The following LIMA1 variants were observed in gnomAD, a reference collection of about 807,000 sequenced individuals.
LIMA1 encodes the protein LIM domain and actin binding 1.
LIMA1 carries 52 observed loss-of-function variants against 62.6 expected under a neutral mutation model. The ratio of observed to expected loss-of-function variants is 0.83; its 90% CI spans 0.67 to 1.05. The LOEUF (loss-of-function observed/expected upper bound fraction) is 1.05, where lower values mean the gene tolerates loss of function less well. Among genes scored for constraint, LIMA1 ranks in the 50% least tolerant of loss-of-function variants. The pLI is 0.00. For missense variants in LIMA1, 780 were observed against 902.2 expected (o/e 0.86, Z 1.74); for synonymous variants, 302 against 317.8 (o/e 0.95, Z 0.53).
intron 6 of LIMA1, among the ~76,000 whole-genome samples, chr12:50,203,989 G>A (rs1941104638): frequency 6.6e-6 from 1 of 152,134 alleles, no homozygotes. Context: ...GAAAGGTTCT[G>A]GAATTAAACA....
intron 2 of LIMA1, among the ~76,000 whole-genome samples, chr12:50,234,591 T>C (rs1941661532): frequency 6.6e-6 from 1 of 152,156 alleles, no homozygotes; most frequent in Non-Finnish European, 1.5e-5. Flanking sequence ...ATCACCATTA[T>C]GTGCCTCTCC....
intron 8 of LIMA1, among the ~76,000 whole-genome samples, chr12:50,193,008 G>A (rs1303271123): frequency 2.0e-5 from 3 of 151,820 alleles, no homozygotes; most frequent in East Asian, 1.9e-4. Context: ...GTGTGTGCGC[G>A]CGTGCGCGCA....
At chr12:50,223,809 G>A (rs559197977) in intron 3 of LIMA1, among the ~76,000 whole-genome samples, 3 of 152,226 alleles carry the variant, frequency 2.0e-5, no homozygotes, top group East Asian at 1.9e-4. Flanking sequence ...AGGCCGAGGC[G>A]GGTGGATCAC....
chr12:50,222,085 T>C lies in LIMA1; in HGVS notation c.566A>G (p.Lys189Arg), dbSNP rs754888813. The change falls in exon 4 of 11, where the codon AAA becomes AGA. Residue 189 changes from lysine to arginine, a missense_variant. By Grantham distance (26) the Lys-to-Arg change is conservative. Coordinates refer to ENST00000341247, the MANE Select transcript of LIMA1 (RefSeq NM_016357.5). The part of the protein sequence containing the change: ...ENTDASGKIE[K>R]YNVPLNRLKM... ...AAGCCTGTTCAGCGGAACATTATAT[T>C]TCTCTATTTTGCCCGAAGCATCTGT... 3 of 1,614,180 alleles carry C rather than the reference T, an allele frequency of 1.9e-6. No homozygotes were observed. The highest frequency in any genetic ancestry group is 2.5e-6 in the Non-Finnish European group (3 of 1,180,028).
chr12:50,208,989 TTTC>T (rs1174879219), intron 4 of LIMA1, among the ~76,000 whole-genome samples: 5 of 132,282 alleles, frequency 3.8e-5, no homozygotes, highest in Non-Finnish European at 6.5e-5. Context: ...TTTTTCTTTC[TTTC>T]TTTTTTTTTT....
chr12:50,247,288 T>C (rs994761612), intron 2 of LIMA1, among the ~76,000 whole-genome samples: 1 of 152,172 alleles, frequency 6.6e-6, no homozygotes, highest in Admixed American at 6.5e-5. Flanking sequence ...AAAGTGATAC[T>C]GTATGACTTC....
rs201741585 is a variant in LIMA1, at chr12:50,236,164, C to CA, written c.120-4455dup. On this transcript the variant is annotated intron_variant, in intron 2 of 10. Coordinates refer to ENST00000341247, the MANE Select transcript of LIMA1 (RefSeq NM_016357.5). ...TGGGTGACAGAGCCAGACTCCATCTCAAAAAAAACAAAAACATACAGTTCA... is the reference window on the plus strand; with the variant it reads ...TGGGTGACAGAGCCAGACTCCATCTCAAAAAAAAACAAAAACATACAGTTCA... Among the ~76,000 whole-genome samples the CA allele has an allele frequency of 2.3e-4, 34 of 149,770 alleles. No homozygotes were observed. In the East Asian group the frequency reaches 4.5e-3, roughly 20 times the overall value.
intron 8 of LIMA1, among the ~76,000 whole-genome samples, chr12:50,193,534 GATATATATATACATATATATCATATATGT>G: frequency 1.0e-5 from 1 of 95,394 alleles, no homozygotes; most frequent in African/African-American, 4.4e-5. Context: ...ACACATATAT[GATATATATATACATATATATCATATATGT>G]ATATATGATA....
At chr12:50,247,815 G>C (rs1164955328) in intron 2 of LIMA1, among the ~76,000 whole-genome samples, 1 of 151,978 alleles carries the variant, frequency 6.6e-6, no homozygotes, top group African/African-American at 2.4e-5. Context: ...TTTTAGTAGA[G>C]ACAGGGTTTC....
At chr12:50,282,908 CG>C (rs1942357258) in intron 1 of LIMA1, among the ~76,000 whole-genome samples, 1 of 152,122 alleles carries the variant, frequency 6.6e-6, no homozygotes, top group Non-Finnish European at 1.5e-5. Context: ...GATAGCGATT[CG>C]GGGATGACAC....
chr12:50,232,654 C>A (rs1334818722), intron 2 of LIMA1, among the ~76,000 whole-genome samples: 2 of 152,186 alleles, frequency 1.3e-5, no homozygotes, highest in Non-Finnish European at 1.5e-5. Context: ...CAGGCATGAG[C>A]CACCAGGCCC....
intron 1 of LIMA1, among the ~76,000 whole-genome samples, chr12:50,280,932 C>T (rs1035451019): frequency 6.6e-6 from 1 of 152,096 alleles, no homozygotes; most frequent in Non-Finnish European, 1.5e-5. Context: ...AAACAATTGC[C>T]TTTTCTAATG....
chr12:50,255,988 C>T (rs1397899696), intron 1 of LIMA1, among the ~76,000 whole-genome samples: 1 of 152,066 alleles, frequency 6.6e-6, no homozygotes, highest in African/African-American at 2.4e-5. Flanking sequence ...CTCCCAGGTT[C>T]AAGCAATTGT....
intron 9 of LIMA1, 69 bp from the exon 10 acceptor site, chr12:50,182,106 A>G: frequency 6.4e-7 from 1 of 1,569,600 alleles, no homozygotes; most frequent in South Asian, 1.1e-5. Flanking sequence ...GATGGACCCT[A>G]GAATTTACTT....
chr12:50,261,040 ATATTTTTTTT>A (rs1282344263), intron 1 of LIMA1, among the ~76,000 whole-genome samples: 9 of 48,912 alleles, frequency 1.8e-4, no homozygotes, highest in East Asian at 1.5e-3. Context: ...GCCATCTAGT[ATATTTTTTTT>A]TTTTTTTTTT....
At chr12:50,192,058 A>AT (rs1471977903) in intron 9 of LIMA1, among the ~76,000 whole-genome samples, 1 of 147,108 alleles carries the variant, frequency 6.8e-6, no homozygotes, top group African/African-American at 2.5e-5. Context: ...TTGCTTGAAC[A>AT]TGGGGGGGCG....
At chr12:50,233,916 A>G in intron 2 of LIMA1, among the ~76,000 whole-genome samples, 1 of 152,224 alleles carries the variant, frequency 6.6e-6, no homozygotes, top group South Asian at 2.1e-4. Flanking sequence ...ACATATGCAC[A>G]AGAGTGATAT....
At chr12:50,236,592 C>T (rs533289048) in intron 2 of LIMA1, among the ~76,000 whole-genome samples, 5 of 151,752 alleles carry the variant, frequency 3.3e-5, no homozygotes, top group Non-Finnish European at 5.9e-5. Flanking sequence ...AGCCACCGCA[C>T]CCGGCCGGAA....
chr12:50,207,695 A>G (rs2138497282), intron 4 of LIMA1, among the ~76,000 whole-genome samples: 1 of 152,022 alleles, frequency 6.6e-6, no homozygotes, highest in Admixed American at 6.6e-5. Context: ...TTGAGACCAG[A>G]CTGGGCAACA....
Sources: gnomAD v4.1 joint callset for allele counts (sites outside exome capture counted in the v4.1 genomes callset) on GRCh38, gnomAD v4.1.1 for gene constraint, MANE v1.5 for transcripts, NCBI Gene and HGNC (gene_info 2026-07-23, HGNC 2026-07-21) for gene names.